The following FSTL5 variants were observed in gnomAD, a reference collection of about 807,000 sequenced individuals.
The protein encoded by FSTL5 is follistatin-related protein 5.
FSTL5 carries 62 observed loss-of-function variants against 89.1 expected under a neutral mutation model. The ratio of observed to expected loss-of-function variants is 0.70; its 90% CI spans 0.57 to 0.86. The LOEUF is 0.86. FSTL5 is among the 40% of genes least tolerant of loss of function. The pLI, the probability that FSTL5 is intolerant of heterozygous loss-of-function variation, is 0.00. For synonymous variants in FSTL5, 383 were observed against 346.2 expected (o/e 1.11, Z -1.18); for missense variants, 1,057 against 1,001.6 (o/e 1.06, Z -0.75).
chr4:161,451,820 T>C (rs1194931432), intron 15 of FSTL5, among the ~76,000 whole-genome samples: 2 of 152,200 alleles, frequency 1.3e-5, no homozygotes, highest in East Asian at 1.9e-4. Flanking sequence ...GTTTAGGAAA[T>C]AGTGTAGCAC....
At chr4:162,116,892 A>T (rs1030355083) in intron 1 of FSTL5, among the ~76,000 whole-genome samples, 4 of 152,002 alleles carry the variant, frequency 2.6e-5, no homozygotes, top group African/African-American at 9.7e-5. Flanking sequence ...TCTTTGTGAG[A>T]CCTTCTCTGA....
chr4:161,704,096 A>G (rs187804231), intron 6 of FSTL5, among the ~76,000 whole-genome samples: 5 of 152,228 alleles, frequency 3.3e-5, no homozygotes, highest in African/African-American at 1.2e-4. Flanking sequence ...CCTGCCTCCC[A>G]TTCTATTCAA....
rs114188467 is a variant in FSTL5, at chr4:161,854,777, G to A, written c.409+65627C>T. ...AACTATGATACACAAAATTCAGTATGTGCCATATTTTATATATATATACCT... is the reference window on the plus strand; with the variant it reads ...AACTATGATACACAAAATTCAGTATATGCCATATTTTATATATATATACCT... On this transcript the variant is annotated intron_variant, in intron 4 of 15. Coordinates refer to ENST00000306100, the MANE Select transcript of FSTL5 (RefSeq NM_020116.5). Among the ~76,000 whole-genome samples the A allele has an allele frequency of 6.6e-4, 101 of 151,978 alleles. 1 individual carries two copies. The East Asian group carries it at 0.014, about 21-fold the overall frequency.
At chr4:161,981,655 T>A (rs1279058155) in intron 3 of FSTL5, among the ~76,000 whole-genome samples, 2 of 152,226 alleles carry the variant, frequency 1.3e-5, no homozygotes, top group African/African-American at 4.8e-5. Flanking sequence ...ACATGGCTAG[T>A]TCAGATACTT....
In FSTL5 at chr4:161,759,530, A is replaced by G. The variant is rs199944647; in HGVS notation, c.608T>C (p.Val203Ala). ...CTTGCCAAGTTCTTCCTGTTTTATC[A>G]CCTAACAAGAAAATTATAAACCATA... is the stretch of plus-strand genomic sequence containing the variant. ...GLVDINELTQ[V>A]IKQEELGKDL... Residue 203 changes from valine (V) to alanine (A), a missense_variant and splice_region_variant, in exon 6 of 16, where the codon GTG (valine) becomes GCG (alanine). Val to Ala is a moderately conservative substitution (Grantham distance 64). Transcript: ENST00000306100. 8.6e-5 allele frequency: 131 copies of G among 1,529,286 alleles called. No individual in the cohort carries two copies. In the Middle Eastern group the frequency reaches 9.1e-4, roughly 11 times the overall value. The allele number at this position is 1,529,286 out of a possible 1,614,324, so 94.7% of individuals were successfully genotyped here. A position where few individuals can be genotyped will look rare whatever the true frequency, so the allele number is the denominator to read the frequency against.
chr4:162,076,615 G>A (rs1448169656), intron 2 of FSTL5, among the ~76,000 whole-genome samples: 1 of 151,744 alleles, frequency 6.6e-6, no homozygotes, highest in African/African-American at 2.4e-5. Context: ...GCCAGTGAAG[G>A]CAAGACTTCT....
chr4:161,502,036 C>A (rs1008993593), intron 11 of FSTL5, among the ~76,000 whole-genome samples: 6 of 151,912 alleles, frequency 3.9e-5, no homozygotes, highest in Non-Finnish European at 5.9e-5. Context: ...TATTACTAAG[C>A]TCTTAACATT....
chr4:161,967,519 A>T (rs2111002620), intron 3 of FSTL5, among the ~76,000 whole-genome samples: 1 of 152,138 alleles, frequency 6.6e-6, no homozygotes, highest in Non-Finnish European at 1.5e-5. Context: ...GATAGTGCCT[A>T]GATTTAAGGA....
chr4:161,536,929 T>G (rs1342591493), intron 10 of FSTL5, among the ~76,000 whole-genome samples: 1 of 152,222 alleles, frequency 6.6e-6, no homozygotes, highest in Non-Finnish European at 1.5e-5. Flanking sequence ...AATTACAAGT[T>G]AGTATTGGCT....
chr4:161,485,170 A>G (rs534851342), intron 12 of FSTL5, among the ~76,000 whole-genome samples: 3 of 152,152 alleles, frequency 2.0e-5, no homozygotes, highest in Non-Finnish European at 4.4e-5. Context: ...CTACCTGGCC[A>G]TTTGCAGAAA....
At chr4:162,163,352 T>C (rs1204732235) in intron 1 of FSTL5, among the ~76,000 whole-genome samples, 1 of 151,166 alleles carries the variant, frequency 6.6e-6, no homozygotes, top group Admixed American at 6.6e-5. Flanking sequence ...AAGCAAGATA[T>C]AACATAATGA....
intron 7 of FSTL5, among the ~76,000 whole-genome samples, chr4:161,591,281 G>C (rs7660164): frequency 1.3e-5 from 2 of 151,892 alleles, no homozygotes. Flanking sequence ...CATAGAAGAC[G>C]GATTTGTGGT....
chr4:162,148,694 T>C (rs1485475729), intron 1 of FSTL5, among the ~76,000 whole-genome samples: 1 of 152,208 alleles, frequency 6.6e-6, no homozygotes, highest in Non-Finnish European at 1.5e-5. Flanking sequence ...ATCTTACACA[T>C]GTAACATTAT....
chr4:162,053,698 A>T, intron 2 of FSTL5, among the ~76,000 whole-genome samples: 1 of 151,836 alleles, frequency 6.6e-6, no homozygotes, highest in East Asian at 1.9e-4. Context: ...TTGAAAATAA[A>T]TTTTAAAATT....
intron 4 of FSTL5, among the ~76,000 whole-genome samples, chr4:161,807,143 TTGAA>T (rs1177587761): frequency 4.7e-4 from 71 of 151,676 alleles, no homozygotes; most frequent in Admixed American, 2.6e-4. Flanking sequence ...GTTGATTAAT[TTGAA>T]TGATAAATCA....
intron 11 of FSTL5, among the ~76,000 whole-genome samples, chr4:161,503,899 T>A (rs1475474859): frequency 1.3e-5 from 2 of 151,444 alleles, no homozygotes; most frequent in African/African-American, 4.8e-5. Flanking sequence ...CCCAAACTGT[T>A]TTCCTAATAC....
Position 161,476,467 on chromosome 4 carries a change from G to A in FSTL5, c.1608+4553C>T, listed in dbSNP as rs1035684245. On this transcript the variant is annotated intron_variant, in intron 13 of 15. Coordinates refer to ENST00000306100, the MANE Select transcript of FSTL5 (RefSeq NM_020116.5). ...CTCCCAAAGTGTTAGGATTACAGGCGTGAGCCATATATACATGCCCAGCCA... is the reference window on the plus strand; with the variant it reads ...CTCCCAAAGTGTTAGGATTACAGGCATGAGCCATATATACATGCCCAGCCA... 6.6e-5 allele frequency among the ~76,000 whole-genome samples: 10 copies of A among 152,088 alleles called. No homozygotes were observed. In the South Asian group the frequency reaches 1.7e-3, roughly 25 times the overall value.
At chr4:162,133,615 A>ATAT (rs1480841830) in intron 1 of FSTL5, among the ~76,000 whole-genome samples, 1 of 152,198 alleles carries the variant, frequency 6.6e-6, no homozygotes, top group Non-Finnish European at 1.5e-5. Context: ...ATTGTACATA[A>ATAT]GGTGAGTATT....
intron 6 of FSTL5, among the ~76,000 whole-genome samples, chr4:161,721,147 G>A (rs538319825): frequency 1.8e-4 from 27 of 151,564 alleles, no homozygotes; most frequent in Non-Finnish European, 2.8e-4. Flanking sequence ...GCGCGGTGGC[G>A]GGCGCCTGTA....
Sources: allele counts gnomAD v4.1 joint callset (sites outside exome capture counted in the v4.1 genomes callset), GRCh38; gene constraint gnomAD v4.1.1; transcripts MANE v1.5; gene names NCBI Gene and HGNC (gene_info 2026-07-23, HGNC 2026-07-21).